CENPE: variants seen among roughly 807,000 people sequenced by gnomAD.
CENPE encodes centromere-associated protein E.
A neutral mutation model predicts 336.1 loss-of-function variants in CENPE; 145 were observed. That is an observed-to-expected ratio of 0.43 (90% CI 0.38 to 0.50). The LOEUF (loss-of-function observed/expected upper bound fraction) is 0.50. Ranked by LOEUF, CENPE falls within the 20% of genes least tolerant of loss-of-function variation. The pLI is 0.00. For synonymous variants in CENPE, 1,013 were observed against 984.8 expected (o/e 1.03, Z -0.54); for missense variants, 2,719 against 3,023.3 (o/e 0.90, Z 2.36).
intron 48 of CENPE, among the ~76,000 whole-genome samples, chr4:103,107,802 C>T (rs1264620435): frequency 6.6e-6 from 1 of 152,220 alleles, no homozygotes; most frequent in Non-Finnish European, 1.5e-5. Flanking sequence ...AGACAACAGT[C>T]TAACTCCTGC....
intron 42 of CENPE, among the ~76,000 whole-genome samples, chr4:103,128,290 A>G (rs753260448): frequency 6.6e-5 from 10 of 152,198 alleles, no homozygotes; most frequent in South Asian, 2.1e-4. Flanking sequence ...TGATAAAACT[A>G]CAAGGAGAAA....
At chr4:103,185,456 T>C (rs1025391226) in intron 9 of CENPE, among the ~76,000 whole-genome samples, 2 of 152,082 alleles carry the variant, frequency 1.3e-5, no homozygotes, top group Non-Finnish European at 2.9e-5. Context: ...ATTTTAACTT[T>C]TAAAAATTAA....
intron 8 of CENPE, among the ~76,000 whole-genome samples, chr4:103,186,822 T>C (rs1756815079): frequency 6.6e-6 from 1 of 152,144 alleles, no homozygotes; most frequent in Non-Finnish European, 1.5e-5. Flanking sequence ...TAAGCTGCGA[T>C]CTGAATGACC....
At chr4:103,138,207 C>T in intron 39 of CENPE, 144 bp downstream of exon 39, 1 of 637,402 alleles carries the variant, frequency 1.6e-6, no homozygotes. Context: ...ATTATACCCA[C>T]ACACCTGTAC....
intron 34 of CENPE, among the ~76,000 whole-genome samples, chr4:103,142,442 T>C (rs1161730801): frequency 6.6e-6 from 1 of 152,234 alleles, no homozygotes; most frequent in Non-Finnish European, 1.5e-5. Flanking sequence ...ACACAATACA[T>C]TGAATTGCCA....
At chr4:103,198,137 G>A in intron 1 of CENPE, 127 bp downstream of exon 1, 1 of 840,730 alleles carries the variant, frequency 1.2e-6, no homozygotes, top group Non-Finnish European at 1.8e-6. Context: ...ACGATGGCCA[G>A]CAGCCGAGTC....
chr4:103,139,295 G>C (rs1752338414), intron 38 of CENPE, among the ~76,000 whole-genome samples: 2 of 152,120 alleles, frequency 1.3e-5, no homozygotes, highest in African/African-American at 2.4e-5. Flanking sequence ...CTTTCAAAAA[G>C]AGGATTTAAT....
Position 103,174,787 on chromosome 4 carries a change from ATTCTT to A in CENPE, c.1591_1595del (p.Lys531Ter). ...CTAGAGCCTCAAATTCATCCAAATC[ATTCTT>A]TTCTTTTAATTTCAATTCCATTTCT... On this transcript the variant is annotated frameshift_variant, in exon 16 of 49. Coordinates refer to ENST00000265148, the MANE Select transcript of CENPE (RefSeq NM_001813.3). LOFTEE classifies it high-confidence loss of function. The A allele has an allele frequency of 6.4e-7, 1 of 1,556,100 alleles. No individual in the cohort carries two copies. Among genetic ancestry groups the A allele is most frequent in the Non-Finnish European group, 8.7e-7 (1 of 1,151,652 alleles).
At chr4:103,169,833 C>T (rs1367016411) in intron 16 of CENPE, among the ~76,000 whole-genome samples, 12 of 152,084 alleles carry the variant, frequency 7.9e-5, no homozygotes, top group East Asian at 1.9e-4. Flanking sequence ...CACATGCACA[C>T]GTATACTTAT....
chr4:103,128,040 A>C (rs1751276160), intron 42 of CENPE, among the ~76,000 whole-genome samples: 1 of 152,142 alleles, frequency 6.6e-6, no homozygotes, highest in Non-Finnish European at 1.5e-5. Flanking sequence ...CCCATCTTCA[A>C]TATAAGGACA....
intron 45 of CENPE, among the ~76,000 whole-genome samples, chr4:103,115,236 C>A (rs1004323034): frequency 6.6e-6 from 1 of 151,944 alleles, no homozygotes; most frequent in Non-Finnish European, 1.5e-5. Context: ...TGAGCTCAAG[C>A]GATTCTCCTG....
intron 21 of CENPE, 66 bp from the exon 22 acceptor site, chr4:103,159,390 A>C: frequency 1.0e-6 from 1 of 964,498 alleles, no homozygotes; most frequent in African/African-American, 1.7e-5. Flanking sequence ...ATTTTTAGGA[A>C]AAAAAGCTTT....
chr4:103,117,773 G>T (rs1750272072), intron 44 of CENPE, among the ~76,000 whole-genome samples: 1 of 151,790 alleles, frequency 6.6e-6, no homozygotes, highest in African/African-American at 2.4e-5. Context: ...GATTACAGGT[G>T]CTTACCACCA....
At position 103,127,344 on chromosome 4, in the gene CENPE, T is replaced by C. The variant is rs191304283; in HGVS notation, c.6925-4255A>G. ...CATACTAACCTATAATTCTATTCCA[T>C]GTAAAATTATTCTTCAAAAGTAAAG... On this transcript the variant is annotated intron_variant, in intron 42 of 48. Transcript: ENST00000265148. Among the ~76,000 whole-genome samples the C allele has an allele frequency of 9.2e-5, 14 of 152,208 alleles. No individual in the cohort carries two copies. In the East Asian group the frequency reaches 2.5e-3, roughly 27 times the overall value.
Position 103,198,134 on chromosome 4 carries a change from C to G in CENPE, c.56+130G>C, listed in dbSNP as rs1037768441. On this transcript the variant is annotated intron_variant, in intron 1 of 48. Coordinates refer to ENST00000265148, the MANE Select transcript of CENPE (RefSeq NM_001813.3). ...CACTTTACAGACCCTGAAACGATGG[C>G]CAGCAGCCGAGTCACTAGACAGCAG... 2.4e-5 allele frequency: 20 copies of G among 816,800 alleles called. No homozygotes were observed. The Admixed American group carries it at 5.0e-4, about 21-fold the overall frequency. The allele number at this position is 816,800 out of a possible 1,614,324, so 50.6% of individuals were successfully genotyped here.
chr4:103,111,856 T>C (rs181296489), intron 46 of CENPE, among the ~76,000 whole-genome samples: 107 of 152,226 alleles, frequency 7.0e-4, no homozygotes, highest in African/African-American at 2.4e-3. Flanking sequence ...TTTAGCACCA[T>C]CTATTTTTGG....
At chr4:103,133,961 T>G in intron 40 of CENPE, 69 bp from the exon 41 acceptor site, 5 of 925,962 alleles carry the variant, frequency 5.4e-6, no homozygotes, top group Non-Finnish European at 8.4e-6. Flanking sequence ...TTTTCATCCT[T>G]GAGACTATGA....
intron 8 of CENPE, among the ~76,000 whole-genome samples, chr4:103,193,294 GTTAAA>G (rs1757505344): frequency 6.6e-6 from 1 of 151,976 alleles, no homozygotes; most frequent in South Asian, 2.1e-4. Context: ...GTTTTTTATT[GTTAAA>G]TTAAAACAAG....
At chr4:103,133,206 GAA>G (rs1578575370) in intron 41 of CENPE, among the ~76,000 whole-genome samples, 1 of 151,818 alleles carries the variant, frequency 6.6e-6, no homozygotes, top group Non-Finnish European at 1.5e-5. Flanking sequence ...TACAATACCT[GAA>G]GTGCATCTTA....
Sources: gnomAD v4.1 joint callset for allele counts (sites outside exome capture counted in the v4.1 genomes callset) on GRCh38, gnomAD v4.1.1 for gene constraint, MANE v1.5 for transcripts, NCBI Gene and HGNC (gene_info 2026-07-23, HGNC 2026-07-21) for gene names.